The following ADIPOR2 variants were observed in gnomAD, a reference collection of about 807,000 sequenced individuals.
ADIPOR2 encodes adiponectin receptor 2, also known as adiponectin receptor protein 2.
ADIPOR2 carries 18 observed loss-of-function variants against 40.9 expected under a neutral mutation model. That is an observed-to-expected ratio of 0.44 (90% CI 0.30 to 0.65). The LOEUF (loss-of-function observed/expected upper bound fraction) is 0.65. Ranked by LOEUF, ADIPOR2 falls within the 30% of genes least tolerant of loss-of-function variation. The pLI, the probability that ADIPOR2 is intolerant of heterozygous loss-of-function variation, is 0.09. For synonymous variants in ADIPOR2, 165 were observed against 166.4 expected (o/e 0.99, Z 0.06); for missense variants, 283 against 479.2 (o/e 0.59, Z 3.82).
At chr12:1,749,142 G>T (rs548663209) in intron 1 of ADIPOR2, among the ~76,000 whole-genome samples, 1 of 152,138 alleles carries the variant, frequency 6.6e-6, no homozygotes, top group Non-Finnish European at 1.5e-5. Context: ...ATGAAGGGAC[G>T]TGCAGGGCTA....
chr12:1,788,070 C>T lies in ADIPOR2; in HGVS notation c.*1998C>T, dbSNP rs917085406. 2 of 152,736 alleles carry T rather than the reference C, an allele frequency of 1.3e-5. No individual in the cohort carries two copies. Among genetic ancestry groups the T allele is most frequent in the Non-Finnish European group, 2.9e-5 (2 of 68,096 alleles). 9.5% of individuals were successfully genotyped at this position (152,736 alleles called of 1,614,324 possible). A position where few individuals can be genotyped will look rare whatever the true frequency, so the allele number is the denominator to read the frequency against. On this transcript the variant is annotated 3_prime_UTR_variant, in exon 8 of 8. Coordinates refer to ENST00000357103, the MANE Select transcript of ADIPOR2 (RefSeq NM_024551.3). ...CAGCACGTATCAGAAGCCAGACTTG[C>T]TCTTCGGTCATGCACTTTGGGATAC...
chr12:1,778,091 G>C, intron 4 of ADIPOR2, 66 bp downstream of exon 4: 1 of 1,522,716 alleles, frequency 6.6e-7, no homozygotes. Context: ...TCATGTATTT[G>C]AGGGTAAGCA....
intron 1 of ADIPOR2, among the ~76,000 whole-genome samples, chr12:1,709,124 G>A (rs190278371): frequency 6.6e-6 from 1 of 152,120 alleles, no homozygotes; most frequent in Non-Finnish European, 1.5e-5. Flanking sequence ...GGTATTAATA[G>A]TGTCAGTTTC....
At chr12:1,720,136 A>G (rs768572228) in intron 1 of ADIPOR2, among the ~76,000 whole-genome samples, 2 of 152,240 alleles carry the variant, frequency 1.3e-5, no homozygotes, top group Non-Finnish European at 2.9e-5. Flanking sequence ...AACAAATGAA[A>G]AGAATAAAGG....
chr12:1,725,785 A>G (rs372259025), intron 1 of ADIPOR2, among the ~76,000 whole-genome samples: 1 of 152,198 alleles, frequency 6.6e-6, no homozygotes, highest in African/African-American at 2.4e-5. Context: ...GCCTACGTTA[A>G]TGCATTGTAC....
intron 1 of ADIPOR2, among the ~76,000 whole-genome samples, chr12:1,749,003 C>T (rs1027507130): frequency 2.6e-5 from 4 of 152,178 alleles, no homozygotes; most frequent in Admixed American, 6.5e-5. Flanking sequence ...TCTGACCAAC[C>T]AGCTTCAAGT....
chr12:1,704,055 ATTTTT>A (rs57190793), intron 1 of ADIPOR2, among the ~76,000 whole-genome samples: 2 of 67,538 alleles, frequency 3.0e-5, no homozygotes, highest in Admixed American at 2.1e-4. Context: ...TCTACCTGGA[ATTTTT>A]TTTTTTTTTT....
At chr12:1,693,220 C>T (rs185217487) in intron 1 of ADIPOR2, among the ~76,000 whole-genome samples, 16 of 148,450 alleles carry the variant, frequency 1.1e-4, no homozygotes, top group African/African-American at 3.9e-4. Context: ...TAGGTATTGT[C>T]TGTAGTTTCT....
At chr12:1,784,241 A>G (rs1862785011) in intron 7 of ADIPOR2, among the ~76,000 whole-genome samples, 168 bp downstream of exon 7, 1 of 152,206 alleles carries the variant, frequency 6.6e-6, no homozygotes, top group African/African-American at 2.4e-5. Context: ...AATAACTAAC[A>G]TTTAGTGAGC....
At chr12:1,762,181 T>A (rs892326937) in intron 2 of ADIPOR2, among the ~76,000 whole-genome samples, 1 of 152,230 alleles carries the variant, frequency 6.6e-6, no homozygotes, top group Non-Finnish European at 1.5e-5. Context: ...CCTTCAGTAT[T>A]CAGGTTAAGT....
At chr12:1,756,439 T>C (rs1046555440) in intron 2 of ADIPOR2, among the ~76,000 whole-genome samples, 13 of 149,488 alleles carry the variant, frequency 8.7e-5, no homozygotes, top group Non-Finnish European at 1.5e-4. Flanking sequence ...CGTGAGCCAC[T>C]GTGCCTGGCC....
chr12:1,743,654 C>T (rs1319985168), intron 1 of ADIPOR2, among the ~76,000 whole-genome samples: 1 of 151,994 alleles, frequency 6.6e-6, no homozygotes, highest in Admixed American at 6.6e-5. Flanking sequence ...CAGAGTGAGA[C>T]CCTATCTCTA....
At chr12:1,743,835 T>A (rs946580248) in intron 1 of ADIPOR2, among the ~76,000 whole-genome samples, 1 of 152,214 alleles carries the variant, frequency 6.6e-6, no homozygotes, top group Non-Finnish European at 1.5e-5. Flanking sequence ...CTATGTTATA[T>A]ACAAGAAAAA....
At chr12:1,769,753 G>A (rs1862458645) in intron 2 of ADIPOR2, among the ~76,000 whole-genome samples, 1 of 152,102 alleles carries the variant, frequency 6.6e-6, no homozygotes, top group African/African-American at 2.4e-5. Flanking sequence ...CGTTGGCCAG[G>A]CTGGTCTCGA....
Position 1,754,252 on chromosome 12 carries a change from T to C in ADIPOR2, c.-86-6T>C. 1 of 1,298,312 alleles carries C rather than the reference T, an allele frequency of 7.7e-7. No individual in the cohort carries two copies. The highest frequency in any genetic ancestry group is 1.0e-6 in the Non-Finnish European group (1 of 983,234). The allele number at this position is 1,298,312 out of a possible 1,614,324, so 80.4% of individuals were successfully genotyped here. On this transcript the variant is annotated splice_polypyrimidine_tract_variant and splice_region_variant and intron_variant, in intron 1 of 7. Transcript: ENST00000357103. The stretch of plus-strand genomic sequence containing the variant: ...ATGCATTTTTTCAAAACTTTCATCT[T>C]CTTAGGATCAACTCACTATCCTGAA...
intron 1 of ADIPOR2, among the ~76,000 whole-genome samples, chr12:1,706,868 A>G (rs2094664272): frequency 6.6e-6 from 1 of 152,164 alleles, no homozygotes; most frequent in Non-Finnish European, 1.5e-5. Context: ...GCTCATGCCC[A>G]TATTTCCATC....
intron 4 of ADIPOR2, 156 bp downstream of exon 4, chr12:1,778,181 TAG>T (rs1456801143): frequency 2.4e-6 from 2 of 840,034 alleles, no homozygotes; most frequent in East Asian, 6.0e-5. Context: ...GGTTTACTCG[TAG>T]TTTATCCTGG....
intron 1 of ADIPOR2, among the ~76,000 whole-genome samples, chr12:1,735,973 G>C (rs1592598723): frequency 6.6e-6 from 1 of 152,290 alleles, no homozygotes; most frequent in South Asian, 2.1e-4. Context: ...TAAGCTTTTT[G>C]ATGTGCTGCT....
At position 1,754,286 on chromosome 12, in the gene ADIPOR2, C is replaced by A; in HGVS notation, c.-58C>A. The A allele has an allele frequency of 6.9e-7, 1 of 1,448,590 alleles. No homozygotes were observed. Among genetic ancestry groups the A allele is most frequent in the South Asian group, 1.7e-5 (1 of 60,110 alleles). 89.7% of individuals were successfully genotyped at this position (1,448,590 alleles called of 1,614,324 possible). A position where few individuals can be genotyped will look rare whatever the true frequency, so the allele number is the denominator to read the frequency against. On this transcript the variant is annotated 5_prime_UTR_variant, in exon 2 of 8. Coordinates refer to ENST00000357103, the MANE Select transcript of ADIPOR2 (RefSeq NM_024551.3). ...CAACTCACTATCCTGAAGGTCCATT[C>A]TCCCAAGAAGAGGGGACAGAAAGAC...
Sources: allele counts gnomAD v4.1 joint callset (sites outside exome capture counted in the v4.1 genomes callset), GRCh38; gene constraint gnomAD v4.1.1; transcripts MANE v1.5; gene names NCBI Gene and HGNC (gene_info 2026-07-23, HGNC 2026-07-21).